Variants in IRS2 observed in about 807,000 individuals in gnomAD.
The protein encoded by IRS2 is insulin receptor substrate 2.
IRS2 carries 28 observed loss-of-function variants against 70.9 expected under a neutral mutation model. The ratio of observed to expected loss-of-function variants is 0.39; its 90% CI spans 0.29 to 0.54. The LOEUF is 0.54. Among genes scored for constraint, IRS2 ranks in the 20% least tolerant of loss-of-function variants. The pLI, the probability that IRS2 is intolerant of heterozygous loss-of-function variation, is 0.59. For missense variants in IRS2, 2,081 were observed against 2,024.1 expected, an observed-to-expected ratio of 1.03 and a Z score of -0.54; for synonymous variants, 1,217 against 981.9, an observed-to-expected ratio of 1.24 and a Z score of -4.48.
chr13:109,765,178 G>T (rs1877308428), intron 1 of IRS2, among the ~76,000 whole-genome samples: 1 of 152,190 alleles, frequency 6.6e-6, no homozygotes, highest in South Asian at 2.1e-4. Flanking sequence ...GCCCTAAAAT[G>T]CAGGCCGACA....
chr13:109,764,762 C>T (rs897260570), intron 1 of IRS2, among the ~76,000 whole-genome samples: 2 of 152,156 alleles, frequency 1.3e-5, no homozygotes, highest in South Asian at 2.1e-4. Context: ...AAATTGTATT[C>T]GTGAATGATA....
chr13:109,783,033 G>A lies in IRS2; in HGVS notation c.3021C>T (p.Ser1007=), dbSNP rs1442453715. The change falls in exon 1 of 2, where the codon TCC becomes TCT. Residue 1007 remains serine (S), a synonymous_variant. Transcript: ENST00000375856. ...GCGGATACGGGGAGGAGGCCTCGGG[G>A]GACAGGAGGCCGTCCAAGGAGCCCA... is the stretch of plus-strand genomic sequence containing the variant. The part of the protein sequence containing the change: ...HPVGSLDGLL[S]PEASSPYPPL... The A allele has an allele frequency of 2.2e-6, 3 of 1,366,306 alleles. No individual in the cohort carries two copies. Among genetic ancestry groups the A allele is most frequent in the African/African-American group, 1.5e-5 (1 of 64,974 alleles). The allele number at this position is 1,366,306 out of a possible 1,614,324, so 84.6% of individuals were successfully genotyped here.
At chr13:109,776,891 T>C (rs1231434801) in intron 1 of IRS2, among the ~76,000 whole-genome samples, 1 of 152,160 alleles carries the variant, frequency 6.6e-6, no homozygotes, top group African/African-American at 2.4e-5. Context: ...TGTCCCTATC[T>C]AAACTTGGAC....
rs1877865661 is a variant in IRS2, at chr13:109,784,851, G to A, written c.1203C>T (p.Arg401=). Reference sequence around the variant, plus strand: ...CGCAGCCGCCGCTCAGGGTGTGCGAGCGGCTCAGGGGCGCGCGCACCGGCC... The same window carrying A: ...CGCAGCCGCCGCTCAGGGTGTGCGAACGGCTCAGGGGCGCGCGCACCGGCC... ...SPGPVRAPLS[R]SHTLSGGCGG... is the part of the protein sequence containing the mutation. Residue 401 remains arginine (R), a synonymous_variant, in exon 1 of 2, where the codon CGC becomes CGT. Transcript: ENST00000375856. This position sits in a 1 kb window ranked among gnomAD's most constrained non-coding sequence, Gnocchi z 5.2. 1 of 1,225,982 alleles carries A rather than the reference G, an allele frequency of 8.2e-7. No individual in the cohort carries two copies. The highest frequency in any genetic ancestry group is 2.3e-5 in the South Asian group (1 of 44,028). The allele number at this position is 1,225,982 out of a possible 1,614,324, so 75.9% of individuals were successfully genotyped here. A position where few individuals can be genotyped will look rare whatever the true frequency, so the allele number is the denominator to read the frequency against.
chr13:109,759,685 GA>G (rs11332022), intron 1 of IRS2, among the ~76,000 whole-genome samples: 46,309 of 152,004 alleles, frequency 0.3, 7,456 homozygotes, highest in East Asian at 0.46. Context: ...GCTGGTGGTA[GA>G]ATCTTTGCCA....
At chr13:109,767,189 G>A (rs1056713537) in intron 1 of IRS2, among the ~76,000 whole-genome samples, 1 of 152,162 alleles carries the variant, frequency 6.6e-6, no homozygotes, top group East Asian at 1.9e-4. Flanking sequence ...AGTGAGGACA[G>A]GCCCCTTGCT....
chr13:109,776,359 T>G (rs1190031050), intron 1 of IRS2, among the ~76,000 whole-genome samples: 1 of 152,226 alleles, frequency 6.6e-6, no homozygotes, highest in Non-Finnish European at 1.5e-5. Flanking sequence ...GGCTTCACCT[T>G]TACCCATTCA....
In IRS2 at chr13:109,783,807, G is replaced by A. The variant is rs1877811712; in HGVS notation, c.2247C>T (p.Ser749=). The A allele has an allele frequency of 6.3e-7, 1 of 1,595,624 alleles. No homozygotes were observed. The highest frequency in any genetic ancestry group is 1.3e-5 in the African/African-American group (1 of 74,524). Residue 749 remains serine (S), a synonymous_variant, in exon 1 of 2, where the codon TCC becomes TCT. Coordinates refer to ENST00000375856, the MANE Select transcript of IRS2 (RefSeq NM_003749.3). Reference sequence around the variant, plus strand: ...CATCTGCATGCTCCATGGACAGCTTGGAACCGCACCACATGCGCATGTACC... The same window carrying A: ...CATCTGCATGCTCCATGGACAGCTTAGAACCGCACCACATGCGCATGTACC... ...DSGYMRMWCG[S]KLSMEHADGK... is the part of the protein sequence containing the mutation.
Position 109,785,739 on chromosome 13 carries a change from G to T in IRS2, c.315C>A (p.Ala105=). The T allele has an allele frequency of 6.3e-7, 1 of 1,597,748 alleles. No individual in the cohort carries two copies. Residue 105 remains alanine (A), a synonymous_variant, in exon 1 of 2, where the codon GCC becomes GCA. Transcript: ENST00000375856. The surrounding 1 kb of genome is among the most constrained non-coding windows in gnomAD (Gnocchi z 9.3). ...CGATCAGGTACTTGTGCTTGGCGTC[G>T]GCGCGCTTGTTGATGTTCAGGCAGC... The part of the protein sequence containing the change: ...LDCCLNINKR[A]DAKHKYLIAL...
At chr13:109,777,738 CTT>C (rs1877612125) in intron 1 of IRS2, among the ~76,000 whole-genome samples, 1 of 152,166 alleles carries the variant, frequency 6.6e-6, no homozygotes, top group Non-Finnish European at 1.5e-5. Flanking sequence ...GTCAACATCT[CTT>C]AATATAAAAA....
At chr13:109,763,435 G>A (rs578077339) in intron 1 of IRS2, among the ~76,000 whole-genome samples, 1 of 152,080 alleles carries the variant, frequency 6.6e-6, no homozygotes, top group African/African-American at 2.4e-5. Context: ...TATTCTATTT[G>A]ATTTTTCATG....
rs370739632 is a variant in IRS2 at position 109,782,634 on chromosome 13, C to A, written c.3420G>T (p.Pro1140=). Residue 1140 remains proline, a synonymous_variant, in exon 1 of 2, where the codon CCG becomes CCT. Transcript: ENST00000375856. Reference sequence around the variant, plus strand: ...AACTGTGGCGGCGGCGGCCCCCCTGCGGGTCTGCGCGGATGACCTTGGCGC... The same window carrying A: ...AACTGTGGCGGCGGCGGCCCCCCTGAGGGTCTGCGCGGATGACCTTGGCGC... ...HRGAKVIRAD[P]QGGRRRHSSE... is the part of the protein sequence containing the mutation. 2.5e-6 allele frequency: 4 copies of A among 1,570,306 alleles called. No homozygotes were observed. Among genetic ancestry groups the A allele is most frequent in the East Asian group, 2.3e-5 (1 of 42,848 alleles).
chr13:109,773,732 T>C (rs1254322310), intron 1 of IRS2, among the ~76,000 whole-genome samples: 2 of 152,254 alleles, frequency 1.3e-5, no homozygotes, highest in African/African-American at 2.4e-5. Flanking sequence ...CTGCATTCTC[T>C]ATTTCTGGCT....
At chr13:109,767,934 T>C (rs1359070883) in intron 1 of IRS2, among the ~76,000 whole-genome samples, 1 of 152,180 alleles carries the variant, frequency 6.6e-6, no homozygotes, top group East Asian at 1.9e-4. Context: ...GGTTTCATCA[T>C]ATTGGCCAGG....
In IRS2 at chr13:109,784,306, C is replaced by T. The variant is rs771682044; in HGVS notation, c.1748G>A (p.Arg583Gln). The change falls in exon 1 of 2, where the codon CGG (arginine) becomes CAG (glutamine). Residue 583 changes from arginine to glutamine, a missense_variant. By Grantham distance (43) the Arg-to-Gln change is conservative. Coordinates refer to ENST00000375856, the MANE Select transcript of IRS2 (RefSeq NM_003749.3). This position sits in a 1 kb window ranked among gnomAD's most constrained non-coding sequence, Gnocchi z 5.2. ...KRTYSLTTPARQRPVPQPSSA... is the reference protein window; with the variant it reads ...KRTYSLTTPAQQRPVPQPSSA... ...GGAGGGCTGGGGCACCGGCCGCTGC[C>T]GGGCTGGCGTGGTCAGGGAGTAGGT... is the stretch of plus-strand genomic sequence containing the variant. 3.1e-6 allele frequency: 5 copies of T among 1,599,684 alleles called. No individual in the cohort carries two copies. The Admixed American group carries it at 5.0e-5, about 16-fold the overall frequency.
At chr13:109,780,799 AC>A (rs35485484) in intron 1 of IRS2, among the ~76,000 whole-genome samples, 25,597 of 152,044 alleles carry the variant, frequency 0.17, 2,324 homozygotes, top group African/African-American at 0.23. Context: ...CCTGCTAGGA[AC>A]CCTACAAAGA....
chr13:109,785,865 G>A lies in IRS2; in HGVS notation c.189C>T (p.Gly63=). 6.6e-7 allele frequency: 1 copy of A among 1,510,288 alleles called. No individual in the cohort carries two copies. The allele number at this position is 1,510,288 out of a possible 1,614,324, so 93.6% of individuals were successfully genotyped here. ...GCGGCGGTTGCGGCGCCGACCCCCC[G>A]CCCGCCGTCGCCTCGTCGCCGCCCG... The part of the protein sequence containing the change: ...PGAGGDEATA[G]GGSAPQPPRL... The change falls in exon 1 of 2, where the codon GGC becomes GGT. Residue 63 remains glycine, a synonymous_variant. Transcript: ENST00000375856. This position sits in a 1 kb window ranked among gnomAD's most constrained non-coding sequence, Gnocchi z 9.3.
At chr13:109,756,417 A>G in intron 1 of IRS2, 109 bp from the exon 2 acceptor site, 1 of 867,562 alleles carries the variant, frequency 1.2e-6, no homozygotes, top group Admixed American at 1.8e-5. Context: ...GGTCATTTTC[A>G]TAAACTGATG....
In IRS2 at chr13:109,755,347, G is replaced by A. The variant is rs1047419785; in HGVS notation, c.*957C>T. The A allele has an allele frequency of 3.5e-5, 8 of 226,696 alleles. No individual in the cohort carries two copies. The highest frequency in any genetic ancestry group is 6.3e-5 in the East Asian group (1 of 15,848). The allele number at this position is 226,696 out of a possible 1,614,324, so 14.0% of individuals were successfully genotyped here. On this transcript the variant is annotated 3_prime_UTR_variant, in exon 2 of 2. Coordinates refer to ENST00000375856, the MANE Select transcript of IRS2 (RefSeq NM_003749.3). ...CGGACCACCCTGGAATTGCTAGCAC[G>A]CCTACAGGGATTTTTGGTTACAGAA...
Sources: allele counts gnomAD v4.1 joint callset (sites outside exome capture counted in the v4.1 genomes callset), GRCh38; gene constraint gnomAD v4.1.1; non-coding constraint Gnocchi (gnomAD v3.1); transcripts MANE v1.5; gene names NCBI Gene and HGNC (gene_info 2026-07-23, HGNC 2026-07-21).